Variants in OSBPL8 observed in about 807,000 individuals in gnomAD.
OSBPL8 encodes oxysterol-binding protein-related protein 8.
In OSBPL8, 59 loss-of-function variants were observed where a neutral mutation model predicts 125.5. The ratio of observed to expected loss-of-function variants is 0.47; its 90% CI spans 0.38 to 0.58. OSBPL8 has a LOEUF of 0.58. OSBPL8 is among the 20% of genes least tolerant of loss of function. The pLI, the probability that OSBPL8 is intolerant of heterozygous loss-of-function variation, is 0.00. For synonymous variants in OSBPL8, 330 were observed against 338.9 expected, an observed-to-expected ratio of 0.97 and a Z score of 0.29; for missense variants, 758 against 1,047.8, an observed-to-expected ratio of 0.72 and a Z score of 3.82.
At chr12:76,489,289 T>C (rs374339205) in intron 1 of OSBPL8, among the ~76,000 whole-genome samples, 2 of 152,226 alleles carry the variant, frequency 1.3e-5, no homozygotes, top group East Asian at 3.8e-4. Flanking sequence ...ATGGCTACAC[T>C]AAACAACAGG....
intron 2 of OSBPL8, among the ~76,000 whole-genome samples, chr12:76,461,594 G>T (rs767358941): frequency 1.2e-4 from 18 of 152,008 alleles, no homozygotes; most frequent in Admixed American, 5.9e-4. Flanking sequence ...GGGTCTACAG[G>T]CACCCAGCTA....
intron 1 of OSBPL8, among the ~76,000 whole-genome samples, chr12:76,504,057 G>A (rs1433803035): frequency 6.7e-6 from 1 of 149,820 alleles, no homozygotes; most frequent in African/African-American, 2.5e-5. Flanking sequence ...CTCAATATGT[G>A]GGTGGATCTC....
intron 2 of OSBPL8, among the ~76,000 whole-genome samples, chr12:76,469,001 A>C (rs1875795216): frequency 6.6e-6 from 1 of 152,170 alleles, no homozygotes; most frequent in East Asian, 1.9e-4. Flanking sequence ...GGTCTAGCAC[A>C]ATCTTACCTT....
intron 1 of OSBPL8, among the ~76,000 whole-genome samples, chr12:76,526,633 CTCT>C (rs1950181849): frequency 1.9e-5 from 2 of 106,596 alleles, no homozygotes; most frequent in African/African-American, 7.1e-5. Context: ...ATCAGTAAAT[CTCT>C]TTTTTTTTTT....
intron 2 of OSBPL8, among the ~76,000 whole-genome samples, chr12:76,461,059 T>C (rs1311592001): frequency 6.6e-6 from 1 of 152,228 alleles, no homozygotes; most frequent in African/African-American, 2.4e-5. Flanking sequence ...GTTTCCCATT[T>C]AATCTCATTC....
chr12:76,425,689 C>A (rs544543003), intron 4 of OSBPL8, among the ~76,000 whole-genome samples: 5 of 152,178 alleles, frequency 3.3e-5, no homozygotes, highest in Non-Finnish European at 1.5e-5. Context: ...CTTCTCTGTT[C>A]CTTCAAGCTG....
At chr12:76,530,689 AGTGCCTATCACAGGAG>A (rs1205313847) in intron 1 of OSBPL8, among the ~76,000 whole-genome samples, 6 of 152,196 alleles carry the variant, frequency 3.9e-5, no homozygotes, top group South Asian at 2.1e-4. Context: ...CACCTAGAAG[AGTGCCTATCACAGGAG>A]GTGCCTATCA....
At chr12:76,356,395 T>G (rs955897681) in intron 23 of OSBPL8, among the ~76,000 whole-genome samples, 1 of 152,154 alleles carries the variant, frequency 6.6e-6, no homozygotes, top group Non-Finnish European at 1.5e-5. Flanking sequence ...TAAAATAAAG[T>G]GATTCCAATT....
At chr12:76,482,351 C>T (rs569788353) in intron 2 of OSBPL8, among the ~76,000 whole-genome samples, 5 of 152,194 alleles carry the variant, frequency 3.3e-5, no homozygotes, top group Admixed American at 6.5e-5. Context: ...CAGTGGCTCA[C>T]GCCTGTAATC....
chr12:76,363,492 C>T (rs1952288237), intron 21 of OSBPL8, among the ~76,000 whole-genome samples: 1 of 152,120 alleles, frequency 6.6e-6, no homozygotes, highest in Admixed American at 6.6e-5. Flanking sequence ...TTCCTTACAC[C>T]TTATACAAAA....
Position 76,399,623 on chromosome 12 carries a change from C to G in OSBPL8, c.468+250G>C, listed in dbSNP as rs1214488272. ...GTATTAGACAACATATCACACAAAC[C>G]AAAAAGCTTTTTTAAAAGAACTATA... On this transcript the variant is annotated intron_variant, in intron 7 of 23. Coordinates refer to ENST00000261183, the MANE Select transcript of OSBPL8 (RefSeq NM_020841.5). Among the ~76,000 whole-genome samples the G allele has an allele frequency of 2.0e-5, 3 of 152,036 alleles. No homozygotes were observed. In the East Asian group the frequency reaches 5.8e-4, roughly 29 times the overall value.
intron 23 of OSBPL8, 141 bp from the exon 24 acceptor site, chr12:76,356,162 T>TGGGG: frequency 1.2e-4 from 16 of 136,868 alleles, no homozygotes; most frequent in Non-Finnish European, 1.3e-4. Flanking sequence ...TATGTAGGGG[T>TGGGG]GGGGGGGGGC....
At chr12:76,374,849 T>C (rs747153780) in intron 17 of OSBPL8, among the ~76,000 whole-genome samples, 10 of 152,154 alleles carry the variant, frequency 6.6e-5, no homozygotes, top group Non-Finnish European at 5.9e-5. Context: ...CTGTGAGTTT[T>C]AGAGTAACTT....
At chr12:76,403,967 A>G (rs546561408) in intron 5 of OSBPL8, among the ~76,000 whole-genome samples, 2 of 152,358 alleles carry the variant, frequency 1.3e-5, no homozygotes, top group South Asian at 4.1e-4. Context: ...CATTTCTCTC[A>G]TCTCTCCTAA....
At chr12:76,402,619 A>G (rs1954096455) in intron 6 of OSBPL8, 70 bp downstream of exon 6, 2 of 1,071,770 alleles carry the variant, frequency 1.9e-6, no homozygotes, top group South Asian at 1.3e-5. Context: ...TATTTATCCT[A>G]TTAGTCTACT....
chr12:76,502,434 T>C (rs1370597793), intron 1 of OSBPL8, among the ~76,000 whole-genome samples: 1 of 152,148 alleles, frequency 6.6e-6, no homozygotes, highest in Non-Finnish European at 1.5e-5. Flanking sequence ...CCCATGCCTC[T>C]GAATCAGCAG....
chr12:76,375,644 A>G (rs376777439), intron 16 of OSBPL8, among the ~76,000 whole-genome samples: 14 of 152,028 alleles, frequency 9.2e-5, no homozygotes, highest in East Asian at 3.8e-4. Context: ...ATTTGGAGAC[A>G]TGTGCAGAGT....
At chr12:76,390,388 A>C in intron 11 of OSBPL8, 32 bp downstream of exon 11, 1 of 1,452,364 alleles carries the variant, frequency 6.9e-7, no homozygotes, top group Admixed American at 1.9e-5. Flanking sequence ...GAATATGAAA[A>C]TCCAGAACCT....
intron 1 of OSBPL8, among the ~76,000 whole-genome samples, chr12:76,496,167 G>A (rs1018329599): frequency 7.9e-6 from 1 of 126,958 alleles, no homozygotes; most frequent in Middle Eastern, 4.0e-3. Flanking sequence ...CATGTCTGTA[G>A]TATTTTTTTT....
Sources: gnomAD v4.1 joint callset for allele counts (sites outside exome capture counted in the v4.1 genomes callset) on GRCh38, gnomAD v4.1.1 for gene constraint, MANE v1.5 for transcripts, NCBI Gene and HGNC (gene_info 2026-07-23, HGNC 2026-07-21) for gene names.